Variants in CUBN observed in about 807,000 individuals in gnomAD.
CUBN encodes cubilin.
CUBN carries 282 observed loss-of-function variants against 405.3 expected under a neutral mutation model. The ratio of observed to expected loss-of-function variants is 0.70; its 90% CI spans 0.63 to 0.77. The LOEUF is 0.77. Among genes scored for constraint, CUBN ranks in the 30% least tolerant of loss-of-function variants. The pLI is 0.00. For missense variants in CUBN, 4,514 were observed against 4,475.2 expected (o/e 1.01, Z -0.25); for synonymous variants, 1,684 against 1,617.0 (o/e 1.04, Z -0.99).
chr10:16,971,802 T>A (rs1321138759), intron 31 of CUBN, among the ~76,000 whole-genome samples: 2 of 152,040 alleles, frequency 1.3e-5, no homozygotes, highest in African/African-American at 4.8e-5. Flanking sequence ...CTTATATTTC[T>A]CCATTTTTTT....
intron 12 of CUBN, 74 bp downstream of exon 12, chr10:17,104,345 T>A: frequency 2.2e-6 from 3 of 1,371,944 alleles, no homozygotes; most frequent in Non-Finnish European, 3.1e-6. Flanking sequence ...AGCAGAGGAA[T>A]CTGTTGAGGG....
At chr10:17,010,134 A>C (rs528118800) in intron 28 of CUBN, among the ~76,000 whole-genome samples, 1 of 152,374 alleles carries the variant, frequency 6.6e-6, no homozygotes, top group Admixed American at 6.5e-5. Flanking sequence ...GCACAGGAGC[A>C]TCTGGGTAGC....
intron 28 of CUBN, among the ~76,000 whole-genome samples, chr10:17,005,966 C>G (rs1026301924): frequency 6.6e-6 from 1 of 152,144 alleles, no homozygotes; most frequent in Non-Finnish European, 1.5e-5. Context: ...ACAGAGCTAT[C>G]AGGATGAACA....
intron 60 of CUBN, among the ~76,000 whole-genome samples, chr10:16,842,407 A>G (rs1839381868): frequency 6.6e-6 from 1 of 152,146 alleles, no homozygotes; most frequent in African/African-American, 2.4e-5. Context: ...AAATAAATAA[A>G]CAAGTGCTTT....
chr10:17,097,584 G>T (rs1836402109), intron 14 of CUBN, among the ~76,000 whole-genome samples: 1 of 151,928 alleles, frequency 6.6e-6, no homozygotes, highest in South Asian at 2.1e-4. Context: ...AATTACAAAA[G>T]AATATCACCC....
intron 58 of CUBN, 46 bp downstream of exon 58, chr10:16,874,328 T>A: frequency 1.2e-6 from 2 of 1,606,530 alleles, no homozygotes. Context: ...CTTCTATAAA[T>A]AATGCTGAAA....
chr10:16,825,236 G>A (rs1303896549), intron 66 of CUBN, among the ~76,000 whole-genome samples, 154 bp from the exon 67 acceptor site: 1 of 152,156 alleles, frequency 6.6e-6, no homozygotes, highest in African/African-American at 2.4e-5. Context: ...TGCAAAGAAT[G>A]AATGCAAATG....
At chr10:17,074,255 G>T (rs1340275954) in intron 17 of CUBN, among the ~76,000 whole-genome samples, 4 of 152,188 alleles carry the variant, frequency 2.6e-5, no homozygotes, top group Non-Finnish European at 4.4e-5. Context: ...ATACTTCATT[G>T]TTACCTAACC....
At position 17,065,624 on chromosome 10, in the gene CUBN, G is replaced by A. The variant is rs758896097; in HGVS notation, c.3023C>T (p.Ser1008Leu). ...ACTGCTTGTGAGAGATGGCGGGATC[G>A]ACTTTCCACAGTATCTATTCCAAAC... is the stretch of plus-strand genomic sequence containing the variant. ...ETSLGRYCGK[S>L]IPPSLTSSGN... is the part of the protein sequence containing the mutation. Residue 1008 changes from serine to leucine, a missense_variant, in exon 22 of 67, where the codon TCG (serine) becomes TTG (leucine). Physicochemically the swap from Ser to Leu is moderately radical, Grantham distance 145. Transcript: ENST00000377833. 24 of 1,613,254 alleles carry A rather than the reference G, an allele frequency of 1.5e-5. No individual in the cohort carries two copies. Among genetic ancestry groups the A allele is most frequent in the Admixed American group, 3.3e-5 (2 of 59,976 alleles).
chr10:17,042,622 A>G (rs1313571749), intron 26 of CUBN, among the ~76,000 whole-genome samples: 1 of 152,218 alleles, frequency 6.6e-6, no homozygotes, highest in Admixed American at 6.5e-5. Flanking sequence ...AAATGATTAC[A>G]TAGTCAAACA....
intron 26 of CUBN, among the ~76,000 whole-genome samples, chr10:17,043,123 A>C (rs755020429): frequency 7.2e-5 from 11 of 152,202 alleles, no homozygotes; most frequent in Non-Finnish European, 1.5e-4. Flanking sequence ...CATCTAATTT[A>C]ATCTCCTTTT....
chr10:16,883,050 A>G (rs930429968), intron 56 of CUBN, among the ~76,000 whole-genome samples: 1 of 151,766 alleles, frequency 6.6e-6, no homozygotes, highest in East Asian at 1.9e-4. Flanking sequence ...AGGAAAAAGA[A>G]GGAAGGAAGG....
chr10:16,888,802 G>A (rs1015183221), intron 55 of CUBN, among the ~76,000 whole-genome samples: 7 of 152,162 alleles, frequency 4.6e-5, no homozygotes, highest in South Asian at 2.1e-4. Flanking sequence ...CTGAGTCCTC[G>A]TAATATTACC....
At chr10:17,071,799 G>T in intron 18 of CUBN, 28 bp downstream of exon 18, 1 of 1,605,526 alleles carries the variant, frequency 6.2e-7, no homozygotes, top group South Asian at 1.1e-5. Flanking sequence ...AGGCAAATTA[G>T]ACATTTAAAA....
chr10:16,825,628 A>AGTGTGTGTGTGTGTGT (rs377156071), intron 66 of CUBN, among the ~76,000 whole-genome samples: 160 of 136,000 alleles, frequency 1.2e-3, no homozygotes, highest in African/African-American at 3.8e-3. Context: ...TCTGTGGAAC[A>AGTGTGTGTGTGTGTGT]GTGTGTGTGT....
At chr10:16,943,826 C>A (rs892904729) in intron 36 of CUBN, among the ~76,000 whole-genome samples, 1 of 152,166 alleles carries the variant, frequency 6.6e-6, no homozygotes, top group African/African-American at 2.4e-5. Context: ...AAGTGAAGGT[C>A]TTTTCTAAGT....
intron 43 of CUBN, among the ~76,000 whole-genome samples, chr10:16,921,293 T>C (rs1417810239): frequency 2.0e-5 from 3 of 152,192 alleles, no homozygotes; most frequent in Admixed American, 2.0e-4. Flanking sequence ...CCTAATTTAT[T>C]ACTATCCTCA....
At chr10:17,127,267 T>TC (rs916092212) in intron 3 of CUBN, among the ~76,000 whole-genome samples, 23 of 108,970 alleles carry the variant, frequency 2.1e-4, no homozygotes, top group South Asian at 3.0e-4. Context: ...TCTCTTTCTT[T>TC]TTTTTTTTTT....
chr10:17,086,215 C>T (rs1836105796), intron 15 of CUBN, among the ~76,000 whole-genome samples: 1 of 152,112 alleles, frequency 6.6e-6, no homozygotes, highest in Non-Finnish European at 1.5e-5. Flanking sequence ...CTGACCATCT[C>T]GGCCTCCCAA....
Sources: gnomAD v4.1 joint callset for allele counts (sites outside exome capture counted in the v4.1 genomes callset) on GRCh38, gnomAD v4.1.1 for gene constraint, MANE v1.5 for transcripts, NCBI Gene and HGNC (gene_info 2026-07-23, HGNC 2026-07-21) for gene names.